SSBP2: variants seen among roughly 807,000 people sequenced by gnomAD.
SSBP2 encodes the protein single-stranded DNA-binding protein 2.
SSBP2 carries 17 observed loss-of-function variants against 61.8 expected under a neutral mutation model. That is an observed-to-expected ratio of 0.28 (90% confidence interval 0.19 to 0.41). The LOEUF is 0.41. Ranked by LOEUF, SSBP2 falls within the 10% of genes least tolerant of loss-of-function variation. The pLI, the probability that SSBP2 is intolerant of heterozygous loss-of-function variation, is 1.00. For missense variants in SSBP2, 310 were observed against 458.7 expected (o/e 0.68, Z 2.96); for synonymous variants, 139 against 141.3 (o/e 0.98, Z 0.12).
At chr5:81,726,996 C>G (rs966985541) in intron 1 of SSBP2, among the ~76,000 whole-genome samples, 3 of 152,166 alleles carry the variant, frequency 2.0e-5, no homozygotes, top group African/African-American at 7.2e-5. Flanking sequence ...CCCCATTTAT[C>G]CAGCGTCATT....
intron 12 of SSBP2, among the ~76,000 whole-genome samples, chr5:81,445,062 G>C (rs1419425321): frequency 6.8e-6 from 1 of 147,184 alleles, no homozygotes; most frequent in African/African-American, 2.5e-5. Flanking sequence ...GGCTGAGCTT[G>C]CAGCGAGCTG....
At chr5:81,607,963 G>A (rs908781620) in intron 4 of SSBP2, among the ~76,000 whole-genome samples, 13 of 152,128 alleles carry the variant, frequency 8.5e-5, no homozygotes, top group African/African-American at 2.9e-4. Context: ...AGTCTACCTA[G>A]TGTGGTAAGT....
At chr5:81,448,727 T>C (rs1252949417) in intron 11 of SSBP2, 63 bp downstream of exon 11, 2 of 1,520,204 alleles carry the variant, frequency 1.3e-6, no homozygotes, top group Admixed American at 1.7e-5. Context: ...TGGACAACTG[T>C]TTCATTGCCC....
chr5:81,623,331 C>CTTTT (rs35687529), intron 3 of SSBP2, among the ~76,000 whole-genome samples: 46 of 110,570 alleles, frequency 4.2e-4, no homozygotes, highest in East Asian at 1.7e-3. Flanking sequence ...CATTGTAGTA[C>CTTTT]TTTTTTTTTT....
chr5:81,675,696 A>C (rs140352365), intron 1 of SSBP2, among the ~76,000 whole-genome samples: 91 of 152,224 alleles, frequency 6.0e-4, no homozygotes, highest in Non-Finnish European at 1.1e-3. Flanking sequence ...CCCATAATAC[A>C]AGTTCCACAC....
chr5:81,608,411 C>G (rs762532639), intron 4 of SSBP2, among the ~76,000 whole-genome samples: 54 of 152,100 alleles, frequency 3.6e-4, no homozygotes, highest in Non-Finnish European at 5.7e-4. Flanking sequence ...TTTCTTCAGT[C>G]CTCATCATGC....
Position 81,731,855 on chromosome 5 carries a change from T to C in SSBP2, c.62+19126A>G, listed in dbSNP as rs142623450. On this transcript the variant is annotated intron_variant, in intron 1 of 16. Transcript: ENST00000320672. Reference sequence around the variant, plus strand: ...AATTATATTACAATAATATAATTGATATAATAATATTAACTTAAACAGAGA... The same window carrying C: ...AATTATATTACAATAATATAATTGACATAATAATATTAACTTAAACAGAGA... Among the ~76,000 whole-genome samples, 460 of 151,096 alleles carry C rather than the reference T, an allele frequency of 3.0e-3. 8 individuals carry two copies. The highest frequency in any genetic ancestry group is 1.5e-3 in the East Asian group (8 of 5,176).
At chr5:81,436,539 A>G (rs528737864) in intron 15 of SSBP2, among the ~76,000 whole-genome samples, 1 of 152,202 alleles carries the variant, frequency 6.6e-6, no homozygotes, top group African/African-American at 2.4e-5. Flanking sequence ...ATTTAAAATG[A>G]TTTTTAGCTC....
At chr5:81,628,262 C>T (rs890716228) in intron 3 of SSBP2, among the ~76,000 whole-genome samples, 1 of 152,110 alleles carries the variant, frequency 6.6e-6, no homozygotes. Context: ...GGGGAAGCCC[C>T]TTACAAAACC....
intron 1 of SSBP2, among the ~76,000 whole-genome samples, chr5:81,732,768 A>C (rs1756352218): frequency 6.6e-6 from 1 of 152,230 alleles, no homozygotes; most frequent in African/African-American, 2.4e-5. Flanking sequence ...TGCACCTATA[A>C]CAAAAGCAAA....
chr5:81,493,179 C>T (rs770199751), intron 5 of SSBP2, among the ~76,000 whole-genome samples: 121 of 151,384 alleles, frequency 8.0e-4, no homozygotes, highest in Non-Finnish European at 1.2e-3. Context: ...GAAATTTGTT[C>T]ATTCAAAAAC....
intron 4 of SSBP2, among the ~76,000 whole-genome samples, chr5:81,612,350 C>T (rs1745533002): frequency 6.6e-6 from 1 of 152,052 alleles, no homozygotes; most frequent in Non-Finnish European, 1.5e-5. Context: ...AGTTTCCCAT[C>T]TCAGAAGAGT....
At chr5:81,658,832 G>T (rs929511984) in intron 1 of SSBP2, among the ~76,000 whole-genome samples, 1 of 152,102 alleles carries the variant, frequency 6.6e-6, no homozygotes, top group Non-Finnish European at 1.5e-5. Flanking sequence ...GATCAACTTG[G>T]CTTCATCACT....
At chr5:81,701,689 C>A (rs560623155) in intron 1 of SSBP2, among the ~76,000 whole-genome samples, 1 of 152,156 alleles carries the variant, frequency 6.6e-6, no homozygotes, top group Non-Finnish European at 1.5e-5. Flanking sequence ...AAAACAAGCC[C>A]TCCAAAATAC....
At chr5:81,536,883 TG>T (rs1770844784) in intron 4 of SSBP2, among the ~76,000 whole-genome samples, 1 of 151,784 alleles carries the variant, frequency 6.6e-6, no homozygotes. Flanking sequence ...TATCAGGGTG[TG>T]GTGGTGCTCG....
At chr5:81,478,434 A>G (rs1765742775) in intron 6 of SSBP2, among the ~76,000 whole-genome samples, 1 of 152,044 alleles carries the variant, frequency 6.6e-6, no homozygotes, top group Non-Finnish European at 1.5e-5. Flanking sequence ...TCCACCTGCC[A>G]GATTCAAGAG....
chr5:81,426,365 G>A (rs1761949916), intron 16 of SSBP2, among the ~76,000 whole-genome samples: 1 of 152,200 alleles, frequency 6.6e-6, no homozygotes, highest in African/African-American at 2.4e-5. Context: ...ACCCTCCAGG[G>A]TGGTGGTGCA....
At chr5:81,513,778 C>CTAAT in intron 4 of SSBP2, 61 bp from the exon 5 acceptor site, 1 of 1,068,968 alleles carries the variant, frequency 9.4e-7, no homozygotes, top group Non-Finnish European at 1.4e-6. Flanking sequence ...AAACCAAAGA[C>CTAAT]TAATGATAAT....
At chr5:81,736,010 C>T (rs759553442) in intron 1 of SSBP2, among the ~76,000 whole-genome samples, 1 of 152,140 alleles carries the variant, frequency 6.6e-6, no homozygotes, top group Non-Finnish European at 1.5e-5. Context: ...CGGATCAAGT[C>T]GCTGCCCAAT....
Sources: allele counts gnomAD v4.1 joint callset (sites outside exome capture counted in the v4.1 genomes callset), GRCh38; gene constraint gnomAD v4.1.1; transcripts MANE v1.5; gene names NCBI Gene and HGNC (gene_info 2026-07-23, HGNC 2026-07-21).